ERP44: variants seen among roughly 807,000 people sequenced by gnomAD.
ERP44 encodes endoplasmic reticulum protein 44, also known as endoplasmic reticulum resident protein 44.
ERP44 carries 25 observed loss-of-function variants against 53.4 expected under a neutral mutation model. The ratio of observed to expected loss-of-function variants is 0.47; its 90% confidence interval spans 0.34 to 0.65. The LOEUF (loss-of-function observed/expected upper bound fraction) is 0.65. Among genes scored for constraint, ERP44 ranks in the 30% least tolerant of loss-of-function variants. ERP44 has a pLI of 0.01. For missense variants in ERP44, 338 were observed against 493.2 expected, an observed-to-expected ratio of 0.69 and a Z score of 2.98; for synonymous variants, 145 against 161.2, an observed-to-expected ratio of 0.90 and a Z score of 0.76.
At position 99,979,927 on chromosome 9, in the gene ERP44, C is replaced by G. The variant is rs1830130821; in HGVS notation, c.*2685G>C. On this transcript the variant is annotated 3_prime_UTR_variant, in exon 12 of 12. Transcript: ENST00000262455. ...TCTGCCTACAATATATACTACAAAC[C>G]CCTTAGTCTGGCACACAAGGCCCTG... 2.5e-6 allele frequency: 1 copy of G among 398,460 alleles called. No homozygotes were observed. Among genetic ancestry groups the G allele is most frequent in the Non-Finnish European group, 4.4e-6 (1 of 225,976 alleles). The allele number at this position is 398,460 out of a possible 1,614,324, so 24.7% of individuals were successfully genotyped here.
intron 4 of ERP44, among the ~76,000 whole-genome samples, chr9:100,038,857 T>C (rs1015368084): frequency 6.6e-6 from 1 of 152,116 alleles, no homozygotes; most frequent in African/African-American, 2.4e-5. Flanking sequence ...ACTATACTTA[T>C]ATCAGACAAA....
chr9:100,090,574 C>A (rs905612183), intron 1 of ERP44, among the ~76,000 whole-genome samples: 1 of 151,990 alleles, frequency 6.6e-6, no homozygotes, highest in Non-Finnish European at 1.5e-5. Context: ...CATGGTGAAA[C>A]CCCGTCTCTA....
At chr9:100,075,830 T>C (rs984406885) in intron 1 of ERP44, among the ~76,000 whole-genome samples, 2 of 152,144 alleles carry the variant, frequency 1.3e-5, no homozygotes, top group Non-Finnish European at 2.9e-5. Flanking sequence ...ATTTATCGAG[T>C]GACTCAAAAG....
chr9:100,086,304 G>A (rs772033623), intron 1 of ERP44, among the ~76,000 whole-genome samples: 1 of 152,132 alleles, frequency 6.6e-6, no homozygotes, highest in Non-Finnish European at 1.5e-5. Flanking sequence ...ATTTTGATAA[G>A]GCTATGTCAT....
intron 3 of ERP44, among the ~76,000 whole-genome samples, chr9:100,056,496 T>C (rs980384099): frequency 1.3e-5 from 2 of 152,162 alleles, no homozygotes; most frequent in Admixed American, 1.3e-4. Flanking sequence ...GAGCAAACAA[T>C]GTAGTAGAGA....
chr9:99,981,218 A>G lies in ERP44; in HGVS notation c.*1394T>C, dbSNP rs549139741. 2.1e-4 allele frequency: 32 copies of G among 152,330 alleles called. No homozygotes were observed. The highest frequency in any genetic ancestry group is 6.2e-4 in the South Asian group (3 of 4,834). 9.4% of individuals were successfully genotyped at this position (152,330 alleles called of 1,614,324 possible). A position where few individuals can be genotyped will look rare whatever the true frequency, so the allele number is the denominator to read the frequency against. On this transcript the variant is annotated 3_prime_UTR_variant, in exon 12 of 12. Transcript: ENST00000262455. ...AAATATACCCCTTATCACCTTATTA[A>G]CATTTATTATTTTGAATAAAACTAT...
chr9:100,087,523 C>A (rs1826498852), intron 1 of ERP44, among the ~76,000 whole-genome samples: 1 of 152,140 alleles, frequency 6.6e-6, no homozygotes, highest in Admixed American at 6.5e-5. Flanking sequence ...TGGCAAAAAC[C>A]AGGAGAGTTT....
intron 7 of ERP44, among the ~76,000 whole-genome samples, chr9:100,017,912 C>A (rs1247539640): frequency 6.6e-6 from 1 of 152,162 alleles, no homozygotes; most frequent in Non-Finnish European, 1.5e-5. Flanking sequence ...GTAGAAGTGA[C>A]AATCACAGAC....
chr9:99,981,596 G>C lies in ERP44; in HGVS notation c.*1016C>G, dbSNP rs751134727. On this transcript the variant is annotated 3_prime_UTR_variant, in exon 12 of 12. Transcript: ENST00000262455. ...TTATTCCCTGGCAGTATTGAGGCCT[G>C]GCACAGGGACCCATCTTACTGTATG... The C allele has an allele frequency of 6.6e-6, 1 of 152,628 alleles. No individual in the cohort carries two copies. The highest frequency in any genetic ancestry group is 2.1e-4 in the South Asian group (1 of 4,826). 9.5% of individuals were successfully genotyped at this position (152,628 alleles called of 1,614,324 possible).
At chr9:99,998,854 A>T (rs868056577) in intron 10 of ERP44, 55 of 1,363,106 alleles carry the variant, frequency 4.0e-5, no homozygotes, top group Middle Eastern at 1.9e-4. Context: ...AAATAGGTGT[A>T]GTTCTTCTAG....
intron 8 of ERP44, among the ~76,000 whole-genome samples, chr9:100,011,716 T>G (rs531616302): frequency 6.6e-6 from 1 of 152,188 alleles, no homozygotes; most frequent in African/African-American, 2.4e-5. Flanking sequence ...TATGAATTAC[T>G]CAGAATCCAG....
At chr9:100,016,100 T>C (rs1405272735) in intron 8 of ERP44, among the ~76,000 whole-genome samples, 1 of 152,216 alleles carries the variant, frequency 6.6e-6, no homozygotes, top group African/African-American at 2.4e-5. Context: ...TTTTGAAGGC[T>C]GTAGTGAACT....
rs531949132 is a variant in ERP44 at position 100,008,334 on chromosome 9, C to A, written c.763-645G>T. On this transcript the variant is annotated intron_variant, in intron 8 of 11. Transcript: ENST00000262455. ...TTTTATATACCTCTTTATTTATACACACAGAAAAGCACCTTGAAAATTATA... is the reference window on the plus strand; with the variant it reads ...TTTTATATACCTCTTTATTTATACAAACAGAAAAGCACCTTGAAAATTATA... Among the ~76,000 whole-genome samples, 7 of 152,188 alleles carry A rather than the reference C, an allele frequency of 4.6e-5. No individual in the cohort carries two copies. In the South Asian group the frequency reaches 1.5e-3, roughly 32 times the overall value.
In ERP44 at chr9:99,982,025, T is replaced by C. The variant is rs1830153506; in HGVS notation, c.*587A>G. 6.6e-6 allele frequency: 1 copy of C among 152,662 alleles called. No individual in the cohort carries two copies. Among genetic ancestry groups the C allele is most frequent in the Admixed American group, 6.5e-5 (1 of 15,290 alleles). The allele number at this position is 152,662 out of a possible 1,614,324, so 9.5% of individuals were successfully genotyped here. On this transcript the variant is annotated 3_prime_UTR_variant, in exon 12 of 12. Transcript: ENST00000262455. ...GACAATTCCTGCCAAATGTTCTGTC[T>C]TATGACTCTCCTCCACTTCAAAGTA... is the stretch of plus-strand genomic sequence containing the variant.
rs868692952 is a variant in ERP44 at position 99,983,571 on chromosome 9, A to G, written c.1120-858T>C. On this transcript the variant is annotated intron_variant, in intron 11 of 11. Transcript: ENST00000262455. ...CGTCTCAAAAAAAAAAAAAAAAAAA[A>G]AAAAGAAAAGGCAGTGCAGTCTATC... Among the ~76,000 whole-genome samples, 1,498 of 151,076 alleles carry G rather than the reference A, an allele frequency of 9.9e-3. 19 individuals carry two copies. Among genetic ancestry groups the G allele is most frequent in the African/African-American group, 0.014 (572 of 41,134 alleles).
At chr9:100,073,198 T>A (rs1244347293) in intron 1 of ERP44, among the ~76,000 whole-genome samples, 2 of 152,200 alleles carry the variant, frequency 1.3e-5, no homozygotes, top group African/African-American at 2.4e-5. Flanking sequence ...AGTATAAGCT[T>A]ACATAATTCA....
At chr9:100,072,527 C>A (rs1194289932) in intron 1 of ERP44, among the ~76,000 whole-genome samples, 1 of 151,968 alleles carries the variant, frequency 6.6e-6, no homozygotes, top group Middle Eastern at 3.2e-3. Flanking sequence ...CTAACTCTCT[C>A]TTTTCTTCTT....
At chr9:100,068,579 C>T (rs1319335699) in intron 1 of ERP44, among the ~76,000 whole-genome samples, 3 of 145,934 alleles carry the variant, frequency 2.1e-5, no homozygotes, top group African/African-American at 7.6e-5. Context: ...GGGGGGTCAG[C>T]CCCCAGCCCG....
At chr9:100,063,232 C>T (rs1260752771) in intron 1 of ERP44, among the ~76,000 whole-genome samples, 2 of 151,948 alleles carry the variant, frequency 1.3e-5, no homozygotes, top group Non-Finnish European at 2.9e-5. Flanking sequence ...AAATACTGTG[C>T]TAATAAATAT....
Sources: allele counts gnomAD v4.1 joint callset (sites outside exome capture counted in the v4.1 genomes callset), GRCh38; gene constraint gnomAD v4.1.1; transcripts MANE v1.5; gene names NCBI Gene and HGNC (gene_info 2026-07-23, HGNC 2026-07-21).